The following ATP10B variants were observed in gnomAD, a reference collection of about 807,000 sequenced individuals.
ATP10B encodes the protein phospholipid-transporting ATPase VB.
ATP10B carries 122 observed loss-of-function variants against 141.2 expected under a neutral mutation model. The ratio of observed to expected loss-of-function variants is 0.86; its 90% CI spans 0.75 to 1.00. The LOEUF (loss-of-function observed/expected upper bound fraction) is 1.00. Among genes scored for constraint, ATP10B ranks in the 50% least tolerant of loss-of-function variants. ATP10B has a pLI of 0.00. For synonymous variants in ATP10B, 685 were observed against 692.0 expected (o/e 0.99, Z 0.16); for missense variants, 1,876 against 1,825.3 (o/e 1.03, Z -0.51).
At chr5:160,910,906 C>T in the ATP10B span, among the ~76,000 whole-genome samples, 1 of 152,192 alleles carries the variant, frequency 6.6e-6, no homozygotes, top group South Asian at 2.1e-4. Flanking sequence ...GAAGATCTCT[C>T]ATGAAGGTTG....
rs1397195191 is a variant in ATP10B at position 160,686,259 on chromosome 5, T to C, written c.290A>G (p.Tyr97Cys). 1.3e-5 allele frequency: 20 copies of C among 1,597,594 alleles called. No homozygotes were observed. The highest frequency in any genetic ancestry group is 1.7e-5 in the Non-Finnish European group (20 of 1,169,012). The change falls in exon 6 of 26, where the codon TAT (tyrosine) becomes TGT (cysteine). Residue 97 changes from tyrosine (Y) to cysteine (C), a missense_variant. Transcript: ENST00000327245. The part of the protein sequence containing the change: ...FEQFHRWANL[Y>C]FLFLVILNWM... ...GTTCAAAATCACCAGGAACAGGAAA[T>C]AGAGGTTAGCCCATCTGGAGGGGCA...
intron 3 of ATP10B, among the ~76,000 whole-genome samples, chr5:160,701,461 T>C (rs1204406596): frequency 6.6e-6 from 1 of 152,188 alleles, no homozygotes; most frequent in African/African-American, 2.4e-5. Flanking sequence ...TGAGGGGCTA[T>C]GTGTGTGCTC....
At chr5:160,786,416 GTTTTCTGT>G (rs1033131743) in intron 1 of ATP10B, among the ~76,000 whole-genome samples, 1 of 151,982 alleles carries the variant, frequency 6.6e-6, no homozygotes, top group Non-Finnish European at 1.5e-5. Context: ...AAGCCATTGG[GTTTTCTGT>G]TTTTCTTTTT....
intron 7 of ATP10B, among the ~76,000 whole-genome samples, chr5:160,651,424 C>T (rs1042455138): frequency 1.4e-4 from 21 of 152,086 alleles, no homozygotes; most frequent in Admixed American, 1.3e-3. Flanking sequence ...ACTAATCCTA[C>T]GTTCAACTCA....
rs192651960 is a variant in ATP10B, at chr5:160,766,020, G to A, written c.-331+19539C>T. Among the ~76,000 whole-genome samples the A allele has an allele frequency of 6.6e-5, 10 of 151,926 alleles. No homozygotes were observed. The East Asian group carries it at 1.4e-3, about 21-fold the overall frequency. On this transcript the variant is annotated intron_variant, in intron 2 of 25. Coordinates refer to ENST00000327245, the MANE Select transcript of ATP10B (RefSeq NM_025153.3). ...CCACGATGTGATACCTCGTTACCCC[G>A]GAAAGAATAGCCATCATTTAAAAAT...
intron 2 of ATP10B, among the ~76,000 whole-genome samples, chr5:160,754,790 A>C (rs1469470102): frequency 6.6e-6 from 1 of 152,222 alleles, no homozygotes; most frequent in Non-Finnish European, 1.5e-5. Flanking sequence ...TCATGTGGCC[A>C]CTGTAGTTAG....
the ATP10B span, among the ~76,000 whole-genome samples, chr5:160,885,668 G>A: frequency 3.9e-5 from 6 of 152,246 alleles, no homozygotes; most frequent in Non-Finnish European, 7.4e-5. Flanking sequence ...TGCTCAAGAC[G>A]GGCATCAGCA....
At chr5:160,789,719 G>T (rs1771430394) in intron 1 of ATP10B, among the ~76,000 whole-genome samples, 1 of 152,140 alleles carries the variant, frequency 6.6e-6, no homozygotes, top group African/African-American at 2.4e-5. Flanking sequence ...ACAGACTCAA[G>T]GAAGTTCCCA....
upstream of ATP10B, among the ~76,000 whole-genome samples, chr5:160,855,722 G>A (rs906969696): frequency 6.6e-6 from 1 of 151,632 alleles, no homozygotes; most frequent in Admixed American, 6.6e-5. Context: ...ATAATTTTAT[G>A]AATTACATTT....
intron 24 of ATP10B, among the ~76,000 whole-genome samples, chr5:160,576,243 G>T (rs1755181022): frequency 6.6e-6 from 1 of 152,168 alleles, no homozygotes; most frequent in Non-Finnish European, 1.5e-5. Context: ...GTTACTGTGA[G>T]TGTCTAGGAT....
chr5:160,735,809 T>A (rs1216589902), intron 2 of ATP10B, among the ~76,000 whole-genome samples: 1 of 152,008 alleles, frequency 6.6e-6, no homozygotes, highest in Non-Finnish European at 1.5e-5. Flanking sequence ...CTGACCACAA[T>A]GGAATAAAAC....
At chr5:160,852,914 AG>A (rs1026658578), upstream of ATP10B, among the ~76,000 whole-genome samples, 10 of 151,878 alleles carry the variant, frequency 6.6e-5, no homozygotes, top group African/African-American at 2.4e-4. Flanking sequence ...AGTAAAAAAA[AG>A]AAATATTACC....
intron 2 of ATP10B, among the ~76,000 whole-genome samples, chr5:160,720,755 C>G (rs1765940568): frequency 2.6e-5 from 4 of 152,188 alleles, no homozygotes. Context: ...AAAATTCCTT[C>G]CTGGATGTTT....
intron 24 of ATP10B, among the ~76,000 whole-genome samples, chr5:160,583,857 G>T (rs552216783): frequency 6.6e-6 from 1 of 152,274 alleles, no homozygotes; most frequent in African/African-American, 2.4e-5. Context: ...TGAAGCCTCA[G>T]TAATGGTGGA....
chr5:160,870,033 C>T, the ATP10B span, among the ~76,000 whole-genome samples: 2 of 152,072 alleles, frequency 1.3e-5, no homozygotes, highest in African/African-American at 2.4e-5. Context: ...CAACCAGGGC[C>T]TAAACTGTTG....
intron 2 of ATP10B, among the ~76,000 whole-genome samples, chr5:160,778,274 G>T (rs1039823014): frequency 4.4e-4 from 67 of 152,274 alleles, no homozygotes; most frequent in African/African-American, 1.5e-3. Context: ...CTCAATCCCA[G>T]TGAGGTGGCA....
chr5:160,896,759 A>G, the ATP10B span, among the ~76,000 whole-genome samples: 2 of 152,228 alleles, frequency 1.3e-5, no homozygotes, highest in African/African-American at 4.8e-5. Context: ...TTTCAGGCCA[A>G]TATCCCTGAT....
intron 10 of ATP10B, 138 bp from the exon 11 acceptor site, chr5:160,636,447 G>T (rs1204877867): frequency 9.6e-6 from 5 of 521,892 alleles, no homozygotes; most frequent in Non-Finnish European, 1.5e-5. Context: ...ATGTAGCTCT[G>T]TGTGTGTGTG....
chr5:160,635,298 G>A (rs1759277918), intron 11 of ATP10B, among the ~76,000 whole-genome samples: 3 of 152,116 alleles, frequency 2.0e-5, no homozygotes, highest in Admixed American at 6.6e-5. Context: ...CTGGCAGTGG[G>A]GGTGGCGTTT....
Sources: allele counts gnomAD v4.1 joint callset (sites outside exome capture counted in the v4.1 genomes callset), GRCh38; gene constraint gnomAD v4.1.1; transcripts MANE v1.5; gene names NCBI Gene and HGNC (gene_info 2026-07-23, HGNC 2026-07-21).